Variants in SV2C observed in about 807,000 individuals in gnomAD.
SV2C encodes solute carrier family 22 member B3.
In SV2C, 49 loss-of-function variants were observed where a neutral mutation model predicts 79.7. The ratio of observed to expected loss-of-function variants is 0.61; its 90% CI spans 0.49 to 0.78. The LOEUF is 0.78. Ranked by LOEUF, SV2C falls within the 30% of genes least tolerant of loss-of-function variation. The pLI is 0.00. For missense variants in SV2C, 833 were observed against 912.9 expected (o/e 0.91, Z 1.13); for synonymous variants, 334 against 333.2 (o/e 1.00, Z -0.03).
chr5:76,037,829 G>T, the SV2C span, among the ~76,000 whole-genome samples: 2 of 152,220 alleles, frequency 1.3e-5, no homozygotes, highest in East Asian at 3.9e-4. Context: ...AATGTCGGGC[G>T]CCCCTCCCCC....
intron 2 of SV2C, among the ~76,000 whole-genome samples, chr5:76,170,320 T>A (rs966514892): frequency 7.1e-5 from 9 of 127,126 alleles, no homozygotes; most frequent in Admixed American, 1.7e-4. Context: ...TAAAATTACT[T>A]CCCACATTCA....
At chr5:76,272,219 G>T (rs1269832720) in intron 4 of SV2C, among the ~76,000 whole-genome samples, 2 of 152,186 alleles carry the variant, frequency 1.3e-5, no homozygotes, top group East Asian at 3.9e-4. Flanking sequence ...CTGTCTTAAT[G>T]CTGGAAATAT....
At chr5:76,026,323 A>G in the SV2C span, among the ~76,000 whole-genome samples, 93 of 152,178 alleles carry the variant, frequency 6.1e-4, 2 homozygotes, top group Middle Eastern at 0.031. Flanking sequence ...GACTTTTTCT[A>G]TGTACTTTTA....
chr5:75,892,779 G>A, the SV2C span, among the ~76,000 whole-genome samples: 111 of 152,074 alleles, frequency 7.3e-4, no homozygotes, highest in Non-Finnish European at 1.4e-3. Context: ...CTTTTTATGG[G>A]TGCGTTGTAT....
At chr5:76,074,230 ACTT>A in the SV2C span, among the ~76,000 whole-genome samples, 1 of 152,294 alleles carries the variant, frequency 6.6e-6, no homozygotes, top group South Asian at 2.1e-4. Context: ...GGGAAGCTGT[ACTT>A]CTTTTTGGAG....
chr5:75,860,038 C>T, the SV2C span, among the ~76,000 whole-genome samples: 2 of 152,184 alleles, frequency 1.3e-5, no homozygotes, highest in Admixed American at 1.3e-4. Flanking sequence ...CTTATTCTGT[C>T]TCTTTCTAAC....
chr5:76,329,636 G>T lies in SV2C; in HGVS notation c.*4089G>T, dbSNP rs1206099945. The T allele has an allele frequency of 6.6e-6, 1 of 152,186 alleles. No individual in the cohort carries two copies. Among genetic ancestry groups the T allele is most frequent in the Non-Finnish European group, 1.5e-5 (1 of 68,026 alleles). 9.4% of individuals were successfully genotyped at this position (152,186 alleles called of 1,614,324 possible). On this transcript the variant is annotated 3_prime_UTR_variant, in exon 13 of 13. Coordinates refer to ENST00000502798, the MANE Select transcript of SV2C (RefSeq NM_014979.4). Reference sequence around the variant, plus strand: ...ACAGCAGAGACTTTCTAAATGCTGGGGTCATTTCCAAAGCAGTCCAGGGGA... The same window carrying T: ...ACAGCAGAGACTTTCTAAATGCTGGTGTCATTTCCAAAGCAGTCCAGGGGA...
chr5:75,996,643 A>G, the SV2C span, among the ~76,000 whole-genome samples: 1 of 151,908 alleles, frequency 6.6e-6, no homozygotes, highest in African/African-American at 2.4e-5. Context: ...ATTTGTTTGT[A>G]TCCTCTTTTA....
the SV2C span, among the ~76,000 whole-genome samples, chr5:75,848,760 C>T: frequency 6.6e-6 from 1 of 152,002 alleles, no homozygotes; most frequent in Non-Finnish European, 1.5e-5. Context: ...GAACATATAT[C>T]CTATATGGGA....
intron 4 of SV2C, among the ~76,000 whole-genome samples, chr5:76,249,746 T>C (rs1033922818): frequency 6.6e-6 from 1 of 152,158 alleles, no homozygotes; most frequent in Non-Finnish European, 1.5e-5. Context: ...ATGATGAAAA[T>C]GATGGCAGGT....
chr5:76,174,385 C>T (rs1419496543), intron 2 of SV2C, among the ~76,000 whole-genome samples: 1 of 152,218 alleles, frequency 6.6e-6, no homozygotes, highest in Non-Finnish European at 1.5e-5. Flanking sequence ...ATCCATCTGC[C>T]TCTGGTGTTT....
intron 2 of SV2C, among the ~76,000 whole-genome samples, chr5:76,194,162 T>C (rs1554039222): frequency 1.3e-5 from 2 of 152,168 alleles, no homozygotes; most frequent in South Asian, 4.2e-4. Flanking sequence ...GAGAAGGGGA[T>C]AGGCGAGGCT....
chr5:76,050,076 A>G, the SV2C span, among the ~76,000 whole-genome samples: 1 of 152,222 alleles, frequency 6.6e-6, no homozygotes, highest in East Asian at 1.9e-4. Flanking sequence ...TGCCTACCCC[A>G]TAAAGGCACT....
chr5:76,098,973 T>C (rs1301826555), intron 1 of SV2C, among the ~76,000 whole-genome samples: 1 of 152,210 alleles, frequency 6.6e-6, no homozygotes, highest in African/African-American at 2.4e-5. Context: ...ATTAAAGGGA[T>C]GCTTTGCAAT....
At chr5:76,230,269 T>C (rs1318856447) in intron 4 of SV2C, among the ~76,000 whole-genome samples, 1 of 152,182 alleles carries the variant, frequency 6.6e-6, no homozygotes, top group Non-Finnish European at 1.5e-5. Context: ...ATGGCAGTCA[T>C]GGAAGAGAAT....
intron 2 of SV2C, among the ~76,000 whole-genome samples, chr5:76,158,368 A>C (rs947121838): frequency 2.6e-5 from 4 of 151,862 alleles, no homozygotes; most frequent in African/African-American, 9.7e-5. Context: ...TATACCATGT[A>C]AACAGCACCC....
intron 1 of SV2C, among the ~76,000 whole-genome samples, chr5:76,088,710 T>C (rs955326139): frequency 4.6e-5 from 7 of 152,244 alleles, no homozygotes; most frequent in Admixed American, 3.9e-4. Flanking sequence ...TATTGAAAAC[T>C]TAAAAGTATT....
At chr5:76,298,128 G>A (rs1319835602) in intron 9 of SV2C, among the ~76,000 whole-genome samples, 1 of 152,056 alleles carries the variant, frequency 6.6e-6, no homozygotes, top group Non-Finnish European at 1.5e-5. Context: ...CATTCTTCAT[G>A]TTTCCAAAAA....
chr5:76,017,388 G>A, the SV2C span, among the ~76,000 whole-genome samples: 1 of 152,076 alleles, frequency 6.6e-6, no homozygotes. Context: ...CTGGGTTCAA[G>A]CGATTCTCAT....
Sources: gnomAD v4.1 joint callset for allele counts (sites outside exome capture counted in the v4.1 genomes callset) on GRCh38, gnomAD v4.1.1 for gene constraint, MANE v1.5 for transcripts, NCBI Gene and HGNC (gene_info 2026-07-23, HGNC 2026-07-21) for gene names.